CTNNA3: variants seen among roughly 807,000 people sequenced by gnomAD.
CTNNA3 encodes catenin alpha-3.
CTNNA3 carries 76 observed loss-of-function variants against 95.7 expected under a neutral mutation model. The ratio of observed to expected loss-of-function variants is 0.79; its 90% CI spans 0.66 to 0.96. The LOEUF is 0.96. CTNNA3 is among the 40% of genes least tolerant of loss of function. CTNNA3 has a pLI of 0.00. For missense variants in CTNNA3, 1,191 were observed against 1,089.8 expected (o/e 1.09, Z -1.31); for synonymous variants, 431 against 374.4 (o/e 1.15, Z -1.74).
rs572212242 is a variant in CTNNA3 at position 67,164,102 on chromosome 10, G to C, written c.1047+16215C>G. The stretch of plus-strand genomic sequence containing the variant: ...TATAAAACCTAAGAAAAAAATTTTA[G>C]ACATTAAAAATTATTGTAAAATATA... On this transcript the variant is annotated intron_variant, in intron 7 of 17. Coordinates refer to ENST00000433211, the MANE Select transcript of CTNNA3 (RefSeq NM_013266.4). Among the ~76,000 whole-genome samples the C allele has an allele frequency of 1.8e-4, 28 of 151,730 alleles. No individual in the cohort carries two copies. In the South Asian group the frequency reaches 5.4e-3, roughly 29 times the overall value.
chr10:65,916,272 T>C lies in CTNNA3; in HGVS notation c.*4058A>G, dbSNP rs2077007247. On this transcript the variant is annotated 3_prime_UTR_variant, in exon 18 of 18. Coordinates refer to ENST00000433211, the MANE Select transcript of CTNNA3 (RefSeq NM_013266.4). ...TTTCTGGCTTTACAAACAGAAAAAA[T>C]GAATATTTGATTCCTAAATATACAA... 6.6e-6 allele frequency: 1 copy of C among 152,048 alleles called. No homozygotes were observed. Among genetic ancestry groups the C allele is most frequent in the Admixed American group, 6.6e-5 (1 of 15,266 alleles). The allele number at this position is 152,048 out of a possible 1,614,324, so 9.4% of individuals were successfully genotyped here.
At chr10:66,372,585 G>T (rs1324005510) in intron 12 of CTNNA3, among the ~76,000 whole-genome samples, 1 of 152,118 alleles carries the variant, frequency 6.6e-6, no homozygotes, top group Non-Finnish European at 1.5e-5. Flanking sequence ...CAAAGTTACT[G>T]TATTAGTCTG....
rs1006318136 is a variant in CTNNA3, at chr10:66,363,155, G to A, written c.1732+15997C>T. Among the ~76,000 whole-genome samples the A allele has an allele frequency of 3.3e-5, 5 of 152,088 alleles. No individual in the cohort carries two copies. The South Asian group carries it at 6.2e-4, about 19-fold the overall frequency. On this transcript the variant is annotated intron_variant, in intron 12 of 17. Transcript: ENST00000433211. Reference sequence around the variant, plus strand: ...AAAAATCTCCTTTGCTATATCGTGCGCTGCTTATCATTTGAATTGTTAAAA... The same window carrying A: ...AAAAATCTCCTTTGCTATATCGTGCACTGCTTATCATTTGAATTGTTAAAA...
chr10:67,691,954 C>G (rs955621018), intron 1 of CTNNA3, among the ~76,000 whole-genome samples: 6 of 150,336 alleles, frequency 4.0e-5, no homozygotes, highest in African/African-American at 1.5e-4. Flanking sequence ...GGGGTCAGCC[C>G]CCCACCCGGC....
intron 7 of CTNNA3, among the ~76,000 whole-genome samples, chr10:66,826,310 C>G (rs1475948203): frequency 1.3e-5 from 2 of 151,844 alleles, no homozygotes; most frequent in African/African-American, 4.8e-5. Context: ...ATGGTCTTGC[C>G]CTGTCGCCCA....
chr10:66,179,357 C>G (rs1486401381), intron 13 of CTNNA3, among the ~76,000 whole-genome samples: 1 of 151,912 alleles, frequency 6.6e-6, no homozygotes, highest in Non-Finnish European at 1.5e-5. Context: ...ATGGTTGACA[C>G]TGGTTGAGGA....
chr10:66,241,948 C>T (rs1225656535), intron 13 of CTNNA3, among the ~76,000 whole-genome samples: 2 of 152,042 alleles, frequency 1.3e-5, no homozygotes, highest in African/African-American at 4.8e-5. Flanking sequence ...GCCAGTTTTT[C>T]TGTTTTAATT....
chr10:66,402,382 T>G (rs1484196447), intron 11 of CTNNA3, among the ~76,000 whole-genome samples: 1 of 144,228 alleles, frequency 6.9e-6, no homozygotes, highest in African/African-American at 2.8e-5. Flanking sequence ...ATTTATTAAA[T>G]GTTCAGTACC....
Position 67,647,466 on chromosome 10 carries a change from C to T in CTNNA3, c.48G>A (p.Leu16=). The T allele has an allele frequency of 6.2e-7, 1 of 1,613,436 alleles. No homozygotes were observed. The highest frequency in any genetic ancestry group is 1.1e-5 in the South Asian group (1 of 91,022). ...PITLNIDPQD[L]QVQTFTVEKL... is the part of the protein sequence containing the mutation. ...TCTCCACGGTGAATGTTTGGACCTG[C>T]AGATCCTGAGGATCGATATTCAATG... Residue 16 remains leucine (L), a synonymous_variant, in exon 2 of 18, where the codon CTG becomes CTA. Coordinates refer to ENST00000433211, the MANE Select transcript of CTNNA3 (RefSeq NM_013266.4).
At chr10:66,230,540 G>A (rs554071530) in intron 13 of CTNNA3, among the ~76,000 whole-genome samples, 1 of 152,270 alleles carries the variant, frequency 6.6e-6, no homozygotes, top group South Asian at 2.1e-4. Flanking sequence ...CTTTACTGGG[G>A]ACAGGGATGC....
chr10:66,501,104 T>G lies in CTNNA3; in HGVS notation c.1531+19513A>C, dbSNP rs375071575. Among the ~76,000 whole-genome samples, 59 of 152,318 alleles carry G rather than the reference T, an allele frequency of 3.9e-4. 1 individual carries two copies. The South Asian group carries it at 0.012, about 31-fold the overall frequency. ...AAATGAATGTAAAGTGTTAACTTAT[T>G]TATAAATTCCTGGTAATTACACATT... On this transcript the variant is annotated intron_variant, in intron 11 of 17. Coordinates refer to ENST00000433211, the MANE Select transcript of CTNNA3 (RefSeq NM_013266.4).
At chr10:66,298,873 T>C (rs2132221725) in intron 12 of CTNNA3, among the ~76,000 whole-genome samples, 1 of 152,164 alleles carries the variant, frequency 6.6e-6, no homozygotes, top group South Asian at 2.1e-4. Flanking sequence ...GAAAGGAAAA[T>C]AAATCTTGGA....
intron 12 of CTNNA3, among the ~76,000 whole-genome samples, chr10:66,312,232 A>T (rs4370821): frequency 0.88 from 133,395 of 152,178 alleles, 58,628 homozygotes; most frequent in East Asian, 0.93. Flanking sequence ...TGGTCTCCTT[A>T]CCCACCTCCC....
At chr10:67,726,262 T>C (rs1221876141) in intron 1 of CTNNA3, among the ~76,000 whole-genome samples, 1 of 87,144 alleles carries the variant, frequency 1.1e-5, no homozygotes, top group African/African-American at 5.4e-5. Context: ...AATATTGTAT[T>C]ACATATTATA....
At chr10:67,194,053 A>G (rs1486402262) in intron 6 of CTNNA3, among the ~76,000 whole-genome samples, 5 of 151,984 alleles carry the variant, frequency 3.3e-5, no homozygotes, top group African/African-American at 1.2e-4. Context: ...GCATTTCTCT[A>G]AGATCAGTGA....
At chr10:66,819,730 A>G (rs1842232011) in intron 7 of CTNNA3, among the ~76,000 whole-genome samples, 1 of 152,222 alleles carries the variant, frequency 6.6e-6, no homozygotes. Flanking sequence ...CAATACAAAC[A>G]GATACTCAGT....
chr10:66,590,617 T>G (rs901694143), intron 10 of CTNNA3, among the ~76,000 whole-genome samples: 5 of 152,038 alleles, frequency 3.3e-5, no homozygotes, highest in Non-Finnish European at 7.4e-5. Flanking sequence ...TTTGATTCAG[T>G]GAGGGTAATT....
At chr10:66,352,249 G>A (rs1459147904) in intron 12 of CTNNA3, among the ~76,000 whole-genome samples, 2 of 152,172 alleles carry the variant, frequency 1.3e-5, no homozygotes, top group South Asian at 2.1e-4. Context: ...GCTCTTTGGG[G>A]CTACCCTCCC....
intron 13 of CTNNA3, among the ~76,000 whole-genome samples, chr10:66,274,161 C>T (rs565814786): frequency 1.3e-5 from 2 of 152,216 alleles, no homozygotes; most frequent in South Asian, 4.1e-4. Flanking sequence ...ATAGTCTCCT[C>T]ATAACTCCTC....
Sources: allele counts gnomAD v4.1 joint callset (sites outside exome capture counted in the v4.1 genomes callset), GRCh38; gene constraint gnomAD v4.1.1; transcripts MANE v1.5; gene names NCBI Gene and HGNC (gene_info 2026-07-23, HGNC 2026-07-21).